The following LARS2 variants were observed in gnomAD, a reference collection of about 807,000 sequenced individuals.
LARS2 encodes the protein leucine--tRNA ligase, mitochondrial.
A neutral mutation model predicts 116.6 loss-of-function variants in LARS2; 81 were observed. The ratio of observed to expected loss-of-function variants is 0.69; its 90% CI spans 0.58 to 0.84. LARS2 has a LOEUF of 0.84. LARS2 is among the 40% of genes least tolerant of loss of function. LARS2 has a pLI of 0.00. For missense variants in LARS2, 968 were observed against 1,114.5 expected, an observed-to-expected ratio of 0.87 and a Z score of 1.87; for synonymous variants, 396 against 407.2, an observed-to-expected ratio of 0.97 and a Z score of 0.33.
chr3:45,447,005 T>A, intron 7 of LARS2, 25 bp downstream of exon 7: 1 of 1,311,388 alleles, frequency 7.6e-7, no homozygotes, highest in Middle Eastern at 1.8e-4. Context: ...GCTGGACTTT[T>A]AAAATTCAGT....
intron 20 of LARS2, among the ~76,000 whole-genome samples, chr3:45,537,325 TTTTC>T (rs1700721655): frequency 6.6e-6 from 1 of 152,208 alleles, no homozygotes; most frequent in African/African-American, 2.4e-5. Context: ...ACAAATCTAT[TTTTC>T]TTCATAAAAT....
rs1349817570 is a variant in LARS2 at position 45,403,128 on chromosome 3, A to AG, written c.363+2755_363+2756insG. ...CTCCAAAGACAAAAAAAAAAAAAAAAAAAGAAAGATGTGGGACAGAATGAA... is the reference window on the plus strand; with the variant it reads ...CTCCAAAGACAAAAAAAAAAAAAAAAGAAAGAAAGATGTGGGACAGAATGAA... On this transcript the variant is annotated intron_variant, in intron 4 of 21. Transcript: ENST00000645846. Among the ~76,000 whole-genome samples the AG allele has an allele frequency of 8.3e-4, 126 of 151,248 alleles. No individual in the cohort carries two copies. In the Middle Eastern group the frequency reaches 0.021, roughly 25 times the overall value.
chr3:45,520,955 A>G (rs1700443158), intron 19 of LARS2, among the ~76,000 whole-genome samples: 1 of 152,196 alleles, frequency 6.6e-6, no homozygotes, highest in African/African-American at 2.4e-5. Context: ...TGGAAGACCA[A>G]GCTGAGAGGA....
chr3:45,495,940 A>G (rs1223636612), intron 13 of LARS2, among the ~76,000 whole-genome samples: 1 of 151,764 alleles, frequency 6.6e-6, no homozygotes, highest in East Asian at 1.9e-4. Context: ...GCTCACTGCA[A>G]CCTCCACCTC....
At chr3:45,424,740 G>T (rs754203718) in intron 6 of LARS2, among the ~76,000 whole-genome samples, 31 of 152,108 alleles carry the variant, frequency 2.0e-4, no homozygotes, top group Non-Finnish European at 4.3e-4. Context: ...GTGTCAATTT[G>T]TTTGCTTTAA....
At position 45,520,295 on chromosome 3, in the gene LARS2, C is replaced by G. The variant is rs769530594; in HGVS notation, c.2291C>G (p.Ser764Trp). The change falls in exon 19 of 22, where the codon TCG (serine) becomes TGG (tryptophan). Residue 764 changes from serine (S) to tryptophan (W), a missense_variant and splice_region_variant. Physicochemically the swap from Ser to Trp is radical, Grantham distance 177. Transcript: ENST00000645846. ...CTGATGGGACTCAGCAATGCCCTCT[C>G]GGTAAGTGGCCTGTCCTCATTTGCT... ...SQLMGLSNALSQASQSVILHS... is the reference protein window; with the variant it reads ...SQLMGLSNALWQASQSVILHS... The G allele has an allele frequency of 8.7e-6, 14 of 1,611,236 alleles. No homozygotes were observed. The Admixed American group carries it at 2.2e-4, about 25-fold the overall frequency.
At chr3:45,438,664 CAAA>C (rs34358676) in intron 6 of LARS2, among the ~76,000 whole-genome samples, 62,987 of 135,670 alleles carry the variant, frequency 0.46, 16,990 homozygotes, top group East Asian at 0.7. Flanking sequence ...CTAAAAATAC[CAAA>C]AAAAAAAAAA....
At chr3:45,411,913 G>A (rs1223990056) in intron 4 of LARS2, among the ~76,000 whole-genome samples, 2 of 152,106 alleles carry the variant, frequency 1.3e-5, no homozygotes, top group African/African-American at 4.8e-5. Flanking sequence ...TTATCATTTA[G>A]CTCCCACTTA....
intron 7 of LARS2, among the ~76,000 whole-genome samples, chr3:45,453,164 T>TTTATTTCTACTCTGATCTTTA (rs1699161555): frequency 6.6e-6 from 1 of 152,124 alleles, no homozygotes; most frequent in African/African-American, 2.4e-5. Flanking sequence ...CTCAATTTCA[T>TTTATTTCTACTCTGATCTTTA]TTATTTCTAC....
At chr3:45,501,477 C>T (rs557489114) in intron 15 of LARS2, among the ~76,000 whole-genome samples, 1 of 152,214 alleles carries the variant, frequency 6.6e-6, no homozygotes, top group South Asian at 2.1e-4. Context: ...TGAGATTCAG[C>T]AGTGCTGACG....
At chr3:45,501,376 A>G (rs1166273289) in intron 15 of LARS2, among the ~76,000 whole-genome samples, 1 of 151,638 alleles carries the variant, frequency 6.6e-6, no homozygotes, top group Non-Finnish European at 1.5e-5. Context: ...TTTTTAAACT[A>G]TATATTGTCT....
intron 6 of LARS2, among the ~76,000 whole-genome samples, chr3:45,436,530 C>A (rs1259008539): frequency 1.3e-5 from 2 of 151,556 alleles, no homozygotes; most frequent in Admixed American, 1.3e-4. Context: ...CGCGGTGGCT[C>A]ACGCCTGTAA....
intron 20 of LARS2, among the ~76,000 whole-genome samples, chr3:45,540,978 C>T (rs981089635): frequency 4.6e-5 from 7 of 152,030 alleles, no homozygotes; most frequent in East Asian, 3.9e-4. Flanking sequence ...GATGGGGTCT[C>T]GCTGTGTTCC....
chr3:45,529,784 G>T (rs563392672), intron 20 of LARS2, among the ~76,000 whole-genome samples: 1 of 152,180 alleles, frequency 6.6e-6, no homozygotes, highest in Non-Finnish European at 1.5e-5. Context: ...CAATCCCTTT[G>T]TGATAAACCC....
At chr3:45,405,826 G>A (rs569207431) in intron 4 of LARS2, among the ~76,000 whole-genome samples, 82 of 152,304 alleles carry the variant, frequency 5.4e-4, no homozygotes, top group African/African-American at 1.9e-3. Flanking sequence ...CTCGATGATG[G>A]CTGTTCTTAC....
At chr3:45,476,749 T>C in intron 10 of LARS2, 122 bp downstream of exon 10, 1 of 896,340 alleles carries the variant, frequency 1.1e-6, no homozygotes. Flanking sequence ...TGCCTTAGCC[T>C]GATTTTTTAT....
chr3:45,509,944 C>T (rs1700262037), intron 15 of LARS2, among the ~76,000 whole-genome samples: 1 of 151,918 alleles, frequency 6.6e-6, no homozygotes, highest in South Asian at 2.1e-4. Context: ...ATCCAGTGCC[C>T]CACTTCACTC....
intron 5 of LARS2, among the ~76,000 whole-genome samples, chr3:45,419,351 G>A (rs1382172163): frequency 6.6e-6 from 1 of 152,140 alleles, no homozygotes; most frequent in Admixed American, 6.5e-5. Flanking sequence ...GCAGAATATT[G>A]ACGTCTGGAC....
chr3:45,461,539 G>A (rs1374652334), intron 8 of LARS2, among the ~76,000 whole-genome samples: 4 of 152,250 alleles, frequency 2.6e-5, no homozygotes, highest in Non-Finnish European at 5.9e-5. Flanking sequence ...TAACCATGGG[G>A]ACCATAGGAA....
Sources: allele counts gnomAD v4.1 joint callset (sites outside exome capture counted in the v4.1 genomes callset), GRCh38; gene constraint gnomAD v4.1.1; transcripts MANE v1.5; gene names NCBI Gene and HGNC (gene_info 2026-07-23, HGNC 2026-07-21).